RCAN2: variants seen among roughly 807,000 people sequenced by gnomAD.
RCAN2 encodes calcipressin-2.
A neutral mutation model predicts 23.6 loss-of-function variants in RCAN2; 9 were observed. The observed-to-expected ratio is 0.38, with a 90% CI of 0.23 to 0.67. The LOEUF (loss-of-function observed/expected upper bound fraction) is 0.67. Ranked by LOEUF, RCAN2 falls within the 30% of genes least tolerant of loss-of-function variation. RCAN2 has a pLI of 0.51. For missense variants in RCAN2, 273 were observed against 302.3 expected (o/e 0.90, Z 0.72); for synonymous variants, 109 against 115.7 (o/e 0.94, Z 0.37).
At chr6:46,275,975 A>AG (rs907102668) in intron 2 of RCAN2, among the ~76,000 whole-genome samples, 49 of 152,258 alleles carry the variant, frequency 3.2e-4, no homozygotes, top group Middle Eastern at 3.4e-3. Flanking sequence ...TGGGAGGCCA[A>AG]GGGGGGTGGA....
chr6:46,440,200 T>C lies in RCAN2; in HGVS notation c.225+16552A>G, dbSNP rs573804089. 4.6e-5 allele frequency among the ~76,000 whole-genome samples: 7 copies of C among 152,326 alleles called. No individual in the cohort carries two copies. In the East Asian group the frequency reaches 1.3e-3, roughly 29 times the overall value. Reference sequence around the variant, plus strand: ...TTATAAGTGTTCATTTCCTCACAAATGAATATTAGAATAATGATCACATTT... The same window carrying C: ...TTATAAGTGTTCATTTCCTCACAAACGAATATTAGAATAATGATCACATTT... On this transcript the variant is annotated intron_variant, in intron 2 of 4. Coordinates refer to ENST00000371374, the MANE Select transcript of RCAN2 (RefSeq NM_001251974.2).
At chr6:46,445,861 T>C (rs1767689297) in intron 2 of RCAN2, among the ~76,000 whole-genome samples, 1 of 152,010 alleles carries the variant, frequency 6.6e-6, no homozygotes, top group African/African-American at 2.4e-5. Flanking sequence ...TATTTGAAAA[T>C]ATATAGTCAG....
chr6:46,409,709 T>C (rs1766496335), intron 2 of RCAN2, among the ~76,000 whole-genome samples: 1 of 152,238 alleles, frequency 6.6e-6, no homozygotes, highest in African/African-American at 2.4e-5. Context: ...TCATACATTC[T>C]TTTAATTCTT....
At chr6:46,309,310 C>T (rs185484264) in intron 2 of RCAN2, among the ~76,000 whole-genome samples, 1 of 152,220 alleles carries the variant, frequency 6.6e-6, no homozygotes, top group Admixed American at 6.5e-5. Flanking sequence ...GTAATTTGAG[C>T]CTAGTTGTCT....
At chr6:46,346,976 T>C (rs1764503575) in intron 2 of RCAN2, among the ~76,000 whole-genome samples, 3 of 152,026 alleles carry the variant, frequency 2.0e-5, no homozygotes, top group Non-Finnish European at 2.9e-5. Context: ...CCCAGGTTCA[T>C]GCCATTCTCC....
chr6:46,425,756 C>T (rs1767013552), intron 2 of RCAN2, among the ~76,000 whole-genome samples: 1 of 151,994 alleles, frequency 6.6e-6, no homozygotes, highest in African/African-American at 2.4e-5. Context: ...AATTCTTGAT[C>T]TTCAGAAGCT....
At position 46,332,245 on chromosome 6, in the gene RCAN2, C is replaced by A. The variant is rs893683458; in HGVS notation, c.226-83349G>T. Among the ~76,000 whole-genome samples, 7 of 152,108 alleles carry A rather than the reference C, an allele frequency of 4.6e-5. No individual in the cohort carries two copies. The East Asian group carries it at 1.2e-3, about 25-fold the overall frequency. On this transcript the variant is annotated intron_variant, in intron 2 of 4. Coordinates refer to ENST00000371374, the MANE Select transcript of RCAN2 (RefSeq NM_001251974.2). Reference sequence around the variant, plus strand: ...CTTCTATCCCTGTGATCAAAATATTCTTTCTTTCCTTCTCATACATCCTTA... The same window carrying A: ...CTTCTATCCCTGTGATCAAAATATTATTTCTTTCCTTCTCATACATCCTTA...
chr6:46,396,718 C>T (rs1284696813), intron 2 of RCAN2, among the ~76,000 whole-genome samples: 2 of 152,156 alleles, frequency 1.3e-5, no homozygotes, highest in Non-Finnish European at 2.9e-5. Context: ...AAACAGAATA[C>T]ATTTCTATCT....
At position 46,228,067 on chromosome 6, in the gene RCAN2, C is replaced by A. The variant is rs536722002; in HGVS notation, c.572-4766G>T. ...CATTCAGGAGCAGGTTGATCAGTTT[C>A]CATGAAGTTGAGTGGTTTTTGGTCA... On this transcript the variant is annotated intron_variant, in intron 4 of 4. Transcript: ENST00000371374. Among the ~76,000 whole-genome samples the A allele has an allele frequency of 3.3e-5, 5 of 152,278 alleles. No homozygotes were observed. The East Asian group carries it at 9.6e-4, about 29-fold the overall frequency.
intron 2 of RCAN2, among the ~76,000 whole-genome samples, chr6:46,420,433 C>T (rs1766850104): frequency 6.6e-6 from 1 of 152,058 alleles, no homozygotes; most frequent in South Asian, 2.1e-4. Context: ...GTAATCACAG[C>T]ATGAAGAAGT....
intron 2 of RCAN2, among the ~76,000 whole-genome samples, chr6:46,256,011 G>A (rs1169599713): frequency 6.6e-6 from 1 of 152,150 alleles, no homozygotes; most frequent in Non-Finnish European, 1.5e-5. Context: ...GATTATTGTA[G>A]AGCACAAATG....
intron 4 of RCAN2, among the ~76,000 whole-genome samples, chr6:46,226,783 C>A (rs1765683295): frequency 6.6e-6 from 1 of 152,298 alleles, no homozygotes; most frequent in East Asian, 1.9e-4. Context: ...TTATTTCTTT[C>A]TCCTGCCTGA....
chr6:46,388,700 A>G (rs907087186), intron 2 of RCAN2, among the ~76,000 whole-genome samples: 6 of 152,204 alleles, frequency 3.9e-5, no homozygotes, highest in Admixed American at 1.3e-4. Flanking sequence ...AAACAGGAAC[A>G]GAACACCAAA....
chr6:46,432,716 A>G (rs1767251163), intron 2 of RCAN2, among the ~76,000 whole-genome samples: 1 of 152,146 alleles, frequency 6.6e-6, no homozygotes, highest in Non-Finnish European at 1.5e-5. Context: ...TTAGCAACTC[A>G]AAAATCCCTA....
chr6:46,386,030 TTAAAC>T (rs1765734896), intron 2 of RCAN2, among the ~76,000 whole-genome samples: 1 of 151,990 alleles, frequency 6.6e-6, no homozygotes, highest in African/African-American at 2.4e-5. Context: ...TGGGATCTAA[TTAAAC>T]TAAAGAGCTT....
chr6:46,444,880 C>T lies in RCAN2; in HGVS notation c.225+11872G>A, dbSNP rs562655300. On this transcript the variant is annotated intron_variant, in intron 2 of 4. Transcript: ENST00000371374. ...CCAGGCCTCCCTTCATGTACTTAGC[C>T]TCTAGGCCAACAGCTGCATATCCGG... 9.2e-5 allele frequency among the ~76,000 whole-genome samples: 14 copies of T among 152,258 alleles called. No homozygotes were observed. The East Asian group carries it at 2.7e-3, about 29-fold the overall frequency.
intron 2 of RCAN2, among the ~76,000 whole-genome samples, chr6:46,430,827 G>A (rs1054761865): frequency 3.9e-5 from 6 of 152,192 alleles, no homozygotes; most frequent in African/African-American, 1.4e-4. Flanking sequence ...GCAACTAAGA[G>A]AGGCTATTAG....
intron 2 of RCAN2, among the ~76,000 whole-genome samples, chr6:46,354,191 G>A (rs1393579458): frequency 6.7e-6 from 1 of 148,236 alleles, no homozygotes; most frequent in African/African-American, 2.5e-5. Context: ...ACATGTGTAT[G>A]GTGTGTTATT....
At chr6:46,371,566 G>A (rs183547536) in intron 2 of RCAN2, among the ~76,000 whole-genome samples, 2 of 152,218 alleles carry the variant, frequency 1.3e-5, no homozygotes, top group African/African-American at 2.4e-5. Flanking sequence ...AGGGTGTCAG[G>A]ATAGTCTTGG....
Sources: gnomAD v4.1 joint callset for allele counts (sites outside exome capture counted in the v4.1 genomes callset) on GRCh38, gnomAD v4.1.1 for gene constraint, MANE v1.5 for transcripts, NCBI Gene and HGNC (gene_info 2026-07-23, HGNC 2026-07-21) for gene names.